DDX42: variants seen among roughly 807,000 people sequenced by gnomAD.
DDX42 encodes the protein ATP-dependent RNA helicase DDX42.
Under a neutral mutation model 101.5 loss-of-function variants are expected in DDX42, and 22 were observed. The ratio of observed to expected loss-of-function variants is 0.22; its 90% CI spans 0.15 to 0.31. The LOEUF (loss-of-function observed/expected upper bound fraction) is 0.31, where lower values mean the gene tolerates loss of function less well. Ranked by LOEUF, DDX42 falls within the 10% of genes least tolerant of loss-of-function variation. DDX42 has a pLI of 1.00. For synonymous variants in DDX42, 402 were observed against 401.2 expected, an observed-to-expected ratio of 1.00 and a Z score of -0.02; for missense variants, 849 against 1,199.9, an observed-to-expected ratio of 0.71 and a Z score of 4.32.
chr17:63,804,449 C>G (rs569344207), intron 6 of DDX42, among the ~76,000 whole-genome samples: 151 of 152,236 alleles, frequency 9.9e-4, no homozygotes, highest in African/African-American at 3.5e-3. Context: ...ATAAACAACT[C>G]CATGTTTTTA....
intron 3 of DDX42, among the ~76,000 whole-genome samples, chr17:63,797,692 C>T (rs1415114573): frequency 6.6e-6 from 1 of 152,188 alleles, no homozygotes; most frequent in Non-Finnish European, 1.5e-5. Flanking sequence ...TTAAGCTATA[C>T]TTTGAGGAAG....
chr17:63,787,496 C>T lies in DDX42; in HGVS notation c.221+226C>T, dbSNP rs73331985. ...TTATACCTTTACTCATTCAGTGTTA[C>T]GTCCTACTGGGCTGTTGCTCACTGT... On this transcript the variant is annotated intron_variant, in intron 2 of 17. Coordinates refer to ENST00000389924, the MANE Select transcript of DDX42 (RefSeq NM_203499.3). Among the ~76,000 whole-genome samples the T allele has an allele frequency of 6.4e-3, 980 of 152,216 alleles. 12 individuals carry two copies. The highest frequency in any genetic ancestry group is 0.022 in the African/African-American group (931 of 41,542).
chr17:63,806,806 G>A, intron 8 of DDX42, 152 bp downstream of exon 8: 1 of 773,422 alleles, frequency 1.3e-6, no homozygotes, highest in African/African-American at 1.8e-5. Context: ...GTCACTAAAT[G>A]GCTGACAAAT....
rs1043866600 is a variant in DDX42 at position 63,797,971 on chromosome 17, A to G, written c.373-67A>G. 1.0e-5 allele frequency: 15 copies of G among 1,466,166 alleles called. No homozygotes were observed. The African/African-American group carries it at 1.7e-4, about 17-fold the overall frequency. The allele number at this position is 1,466,166 out of a possible 1,614,324, so 90.8% of individuals were successfully genotyped here. ...CTAAAGCTATTATGGCACTTGTTCC[A>G]ATCTAAAAATTGTTTCTTTCAGTGT... On this transcript the variant is annotated intron_variant, in intron 3 of 17. Coordinates refer to ENST00000389924, the MANE Select transcript of DDX42 (RefSeq NM_203499.3).
chr17:63,778,451 C>T (rs886863276), intron 1 of DDX42, among the ~76,000 whole-genome samples: 8 of 152,162 alleles, frequency 5.3e-5, no homozygotes, highest in African/African-American at 1.9e-4. Flanking sequence ...CTTTTCATAG[C>T]ACTTTTGCTA....
At chr17:63,789,930 C>G (rs1235323875) in intron 2 of DDX42, among the ~76,000 whole-genome samples, 1 of 152,124 alleles carries the variant, frequency 6.6e-6, no homozygotes, top group African/African-American at 2.4e-5. Flanking sequence ...ATTTAGGAGT[C>G]AAATATACAA....
rs537329013 is a variant in DDX42 at position 63,806,630 on chromosome 17, A to G, written c.822A>G (p.Thr274=). The G allele has an allele frequency of 6.2e-7, 1 of 1,613,674 alleles. No individual in the cohort carries two copies. Among genetic ancestry groups the G allele is most frequent in the Non-Finnish European group, 8.5e-7 (1 of 1,179,876 alleles). Residue 274 remains threonine, a synonymous_variant, in exon 8 of 18, where the codon ACA becomes ACG. Transcript: ENST00000389924. ...ACCAGATTCGGAAATCTGAATACAC[A>G]CAGCCCACTCCAATACAGTGCCAGG... is the stretch of plus-strand genomic sequence containing the variant. ...LMHQIRKSEY[T]QPTPIQCQGV...
intron 12 of DDX42, among the ~76,000 whole-genome samples, chr17:63,810,830 T>A (rs2039900979): frequency 6.6e-6 from 1 of 152,234 alleles, no homozygotes; most frequent in African/African-American, 2.4e-5. Flanking sequence ...CAGTGTACAG[T>A]ACAGATCTGC....
chr17:63,785,432 A>G (rs995213079), intron 1 of DDX42, among the ~76,000 whole-genome samples: 1 of 150,954 alleles, frequency 6.6e-6, no homozygotes, highest in African/African-American at 2.4e-5. Flanking sequence ...CCTGGGTGAC[A>G]GATCAAGGCT....
At chr17:63,805,236 A>G (rs2039824495) in intron 7 of DDX42, 61 bp downstream of exon 7, 1 of 1,568,414 alleles carries the variant, frequency 6.4e-7, no homozygotes, top group Non-Finnish European at 8.6e-7. Flanking sequence ...ATTTAGTATT[A>G]TTGGTTATCT....
chr17:63,817,452 T>A, intron 17 of DDX42: 1 of 472,884 alleles, frequency 2.1e-6, no homozygotes, highest in Non-Finnish European at 3.8e-6. Flanking sequence ...TGCTTTATTC[T>A]AGCCAATCAG....
intron 1 of DDX42, among the ~76,000 whole-genome samples, chr17:63,780,580 AC>A (rs2039476153): frequency 6.6e-6 from 1 of 152,168 alleles, no homozygotes; most frequent in Non-Finnish European, 1.5e-5. Flanking sequence ...CTAACATTCT[AC>A]TCAGGGTATA....
chr17:63,809,061 C>A lies in DDX42; in HGVS notation c.1152+113C>A, dbSNP rs1248673797. 4 of 1,416,050 alleles carry A rather than the reference C, an allele frequency of 2.8e-6. No homozygotes were observed. In the African/African-American group the frequency reaches 4.3e-5, roughly 15 times the overall value. The allele number at this position is 1,416,050 out of a possible 1,614,324, so 87.7% of individuals were successfully genotyped here. A position where few individuals can be genotyped will look rare whatever the true frequency, so the allele number is the denominator to read the frequency against. ...TGGTAAAAGCAGGGTTGAAAATATACTGATGAACGGCAGGCTGTGGTTTTA... is the reference window on the plus strand; with the variant it reads ...TGGTAAAAGCAGGGTTGAAAATATAATGATGAACGGCAGGCTGTGGTTTTA... On this transcript the variant is annotated intron_variant, in intron 10 of 17. Transcript: ENST00000389924.
At chr17:63,789,571 G>GTTTTTTT (rs538515067) in intron 2 of DDX42, among the ~76,000 whole-genome samples, 19 of 45,658 alleles carry the variant, frequency 4.2e-4, no homozygotes, top group Non-Finnish European at 7.1e-4. Flanking sequence ...TTTTGTTTTT[G>GTTTTTTT]TTTTTTTTTT....
At chr17:63,791,160 A>C (rs1378720971) in intron 2 of DDX42, among the ~76,000 whole-genome samples, 3 of 152,232 alleles carry the variant, frequency 2.0e-5, no homozygotes, top group African/African-American at 7.2e-5. Context: ...ATTAAAGTCT[A>C]AACAGTGGTT....
chr17:63,811,150 G>C lies in DDX42; in HGVS notation c.1375G>C (p.Val459Leu). The C allele has an allele frequency of 6.2e-7, 1 of 1,614,176 alleles. No homozygotes were observed. The highest frequency in any genetic ancestry group is 8.5e-7 in the Non-Finnish European group (1 of 1,180,020). Residue 459 changes from valine to leucine, a missense_variant, in exon 13 of 18, where the codon GTG (valine) becomes CTG (leucine). Physicochemically the swap from Val to Leu is conservative, Grantham distance 32 (BLOSUM62 1). Around this residue, in one of 5 missense-constraint regions of DDX42, gnomAD observed 370 missense variants for 608.8 expected, o/e 0.61. Transcript: ENST00000389924. Reference protein sequence around the residue: ...ARDILIDPIRVVQGDIGEANE... With the variant: ...ARDILIDPIRLVQGDIGEANE... ...AGACATCCTGATCGACCCTATTCGA[G>C]TGGTGCAGGGAGATATTGGAGAGGT...
rs1004709759 is a variant in DDX42 at position 63,818,222 on chromosome 17, C to T, written c.2641C>T (p.Arg881Trp). The change falls in exon 18 of 18, where the codon CGG becomes TGG. Residue 881 changes from arginine (R) to tryptophan (W), a missense_variant. Physicochemically the swap from Arg to Trp is moderately radical, Grantham distance 101 (BLOSUM62 -3). Transcript: ENST00000389924. ...HGENRGANDG[R>W]NGESRKEAFN... ...GGAGAACCGGGGTGCAAATGATGGT[C>T]GGAATGGGGAAAGCAGGAAAGAAGC... 5.0e-6 allele frequency: 8 copies of T among 1,613,796 alleles called. No homozygotes were observed. Among genetic ancestry groups the T allele is most frequent in the Admixed American group, 3.3e-5 (2 of 60,004 alleles).
intron 1 of DDX42, among the ~76,000 whole-genome samples, chr17:63,778,305 TC>T (rs200071519): frequency 1.3e-5 from 2 of 152,190 alleles, no homozygotes; most frequent in African/African-American, 2.4e-5. Context: ...TGGATGTACA[TC>T]CACATTACTT....
At chr17:63,813,553 G>A in intron 15 of DDX42, 99 bp downstream of exon 15, 1 of 1,123,902 alleles carries the variant, frequency 8.9e-7, no homozygotes, top group Non-Finnish European at 1.3e-6. Flanking sequence ...AAGAAAGTTG[G>A]GTGGCTAGGA....
Sources: allele counts gnomAD v4.1 joint callset (sites outside exome capture counted in the v4.1 genomes callset), GRCh38; gene constraint gnomAD v4.1.1; regional missense constraint gnomAD v4.1.1; transcripts MANE v1.5; gene names NCBI Gene and HGNC (gene_info 2026-07-23, HGNC 2026-07-21).